ROBO2: variants seen among roughly 807,000 people sequenced by gnomAD.
ROBO2 encodes roundabout guidance receptor 2.
In ROBO2, 53 loss-of-function variants were observed where a neutral mutation model predicts 160.8. That is an observed-to-expected ratio of 0.33 (90% confidence interval 0.26 to 0.41). The LOEUF (loss-of-function observed/expected upper bound fraction) is 0.41. ROBO2 is among the 10% of genes least tolerant of loss of function. ROBO2 has a pLI of 1.00. For synonymous variants in ROBO2, 664 were observed against 611.7 expected, an observed-to-expected ratio of 1.09 and a Z score of -1.26; for missense variants, 1,577 against 1,722.4, an observed-to-expected ratio of 0.92 and a Z score of 1.49.
At chr3:76,724,978 T>G (rs2093526955) in intron 2 of ROBO2, among the ~76,000 whole-genome samples, 1 of 152,008 alleles carries the variant, frequency 6.6e-6, no homozygotes, top group African/African-American at 2.4e-5. Flanking sequence ...GAAGCTATAA[T>G]AAAAGTGGCA....
intron 2 of ROBO2, among the ~76,000 whole-genome samples, chr3:76,300,891 T>A (rs1206869087): frequency 1.3e-5 from 2 of 152,028 alleles, no homozygotes; most frequent in African/African-American, 4.8e-5. Context: ...ACAGGACAAA[T>A]GAACTATAGA....
At position 76,650,246 on chromosome 3, in the gene ROBO2, C is replaced by T. The variant is rs560630938; in HGVS notation, c.110-447768C>T. Among the ~76,000 whole-genome samples, 20 of 152,228 alleles carry T rather than the reference C, an allele frequency of 1.3e-4. 1 individual carries two copies. The highest frequency in any genetic ancestry group is 4.6e-4 in the African/African-American group (19 of 41,560). ...TCACTAAAAATAAGTGTTGGCTACA[C>T]GGTACACTAATACAATGACCGCCTG... On this transcript the variant is annotated intron_variant, in intron 2 of 26. Coordinates refer to the ROBO2 transcript ENST00000487694.
intron 2 of ROBO2, among the ~76,000 whole-genome samples, chr3:77,387,066 A>C (rs78866732): frequency 0.041 from 6,214 of 152,122 alleles, 444 homozygotes; most frequent in African/African-American, 0.14. Context: ...GGGATGTTAG[A>C]GTGAAATCTT....
At chr3:76,756,022 A>G (rs890482431) in intron 2 of ROBO2, among the ~76,000 whole-genome samples, 1 of 151,824 alleles carries the variant, frequency 6.6e-6, no homozygotes, top group Non-Finnish European at 1.5e-5. Context: ...TATGATATCA[A>G]TTTTTAATTA....
At chr3:76,545,877 A>T (rs991355004) in intron 2 of ROBO2, among the ~76,000 whole-genome samples, 1 of 151,906 alleles carries the variant, frequency 6.6e-6, no homozygotes, top group African/African-American at 2.4e-5. Context: ...AAATATTTTA[A>T]ATAAGGCAAT....
At chr3:76,988,826 C>T (rs1246208153) in intron 2 of ROBO2, among the ~76,000 whole-genome samples, 1 of 152,206 alleles carries the variant, frequency 6.6e-6, no homozygotes, top group African/African-American at 2.4e-5. Context: ...TATGTATTTT[C>T]AAAATCGAGT....
At chr3:76,060,349 G>T (rs2068030117) in intron 2 of ROBO2, among the ~76,000 whole-genome samples, 1 of 152,266 alleles carries the variant, frequency 6.6e-6, no homozygotes, top group Non-Finnish European at 1.5e-5. Flanking sequence ...AATCACATGT[G>T]GTGAAGGAGT....
At chr3:76,332,174 C>T (rs189004402) in intron 2 of ROBO2, among the ~76,000 whole-genome samples, 52 of 152,240 alleles carry the variant, frequency 3.4e-4, no homozygotes, top group African/African-American at 1.1e-3. Context: ...TGATTGGAGA[C>T]ATTTTGAGAC....
At chr3:76,045,069 T>A (rs1432009273) in intron 2 of ROBO2, among the ~76,000 whole-genome samples, 1 of 152,054 alleles carries the variant, frequency 6.6e-6, no homozygotes, top group African/African-American at 2.4e-5. Flanking sequence ...AATTTTGATT[T>A]CTTTTATTAC....
intron 2 of ROBO2, among the ~76,000 whole-genome samples, chr3:76,639,489 C>T (rs946281108): frequency 1.3e-5 from 2 of 149,288 alleles, no homozygotes; most frequent in Non-Finnish European, 3.0e-5. Flanking sequence ...CACACACACA[C>T]ATATCCCCAA....
At chr3:76,277,684 T>G (rs1301415259) in intron 2 of ROBO2, among the ~76,000 whole-genome samples, 2 of 151,964 alleles carry the variant, frequency 1.3e-5, no homozygotes, top group African/African-American at 2.4e-5. Context: ...AAATTAGCAG[T>G]GTTCTTGGTA....
intron 2 of ROBO2, among the ~76,000 whole-genome samples, chr3:77,367,302 CT>C (rs948254641): frequency 6.6e-6 from 1 of 152,018 alleles, no homozygotes; most frequent in African/African-American, 2.4e-5. Flanking sequence ...CCTAAGTATC[CT>C]TTTTCTAAGG....
At chr3:76,524,741 C>G (rs566379995) in intron 2 of ROBO2, among the ~76,000 whole-genome samples, 2 of 136,482 alleles carry the variant, frequency 1.5e-5, no homozygotes, top group African/African-American at 5.4e-5. Context: ...ATGTTGTTTC[C>G]CTCACTTTTC....
At chr3:76,173,959 A>C (rs2073133387) in intron 2 of ROBO2, among the ~76,000 whole-genome samples, 1 of 152,160 alleles carries the variant, frequency 6.6e-6, no homozygotes, top group African/African-American at 2.4e-5. Flanking sequence ...ACAATGGTTG[A>C]ACTAATTTAC....
intron 2 of ROBO2, among the ~76,000 whole-genome samples, chr3:76,461,477 C>T (rs766511608): frequency 6.6e-6 from 1 of 152,048 alleles, no homozygotes; most frequent in Non-Finnish European, 1.5e-5. Flanking sequence ...ATTACTGTAT[C>T]ACACAATGCT....
intron 2 of ROBO2, among the ~76,000 whole-genome samples, chr3:77,340,913 C>T (rs979827775): frequency 2.0e-5 from 3 of 152,046 alleles, no homozygotes; most frequent in East Asian, 3.9e-4. Flanking sequence ...TCTGTAGTAT[C>T]GTCACTTGTA....
At chr3:76,984,751 TA>T (rs1013018650) in intron 2 of ROBO2, among the ~76,000 whole-genome samples, 5 of 151,580 alleles carry the variant, frequency 3.3e-5, no homozygotes, top group Admixed American at 1.3e-4. Flanking sequence ...TTAGAAAAAT[TA>T]AAAAAAATGA....
intron 8 of ROBO2, among the ~76,000 whole-genome samples, chr3:77,554,178 A>G (rs2093027215): frequency 6.6e-6 from 1 of 151,986 alleles, no homozygotes; most frequent in Admixed American, 6.6e-5. Flanking sequence ...ATGGAAAAAC[A>G]AAGCCTGAAT....
At chr3:76,011,336 A>G (rs2107612545) in intron 2 of ROBO2, among the ~76,000 whole-genome samples, 1 of 152,322 alleles carries the variant, frequency 6.6e-6, no homozygotes, top group South Asian at 2.1e-4. Context: ...ACTGAGACCC[A>G]AAATAGCCAC....
Sources: gnomAD v4.1 joint callset for allele counts (sites outside exome capture counted in the v4.1 genomes callset) on GRCh38, gnomAD v4.1.1 for gene constraint, MANE v1.5 for transcripts, NCBI Gene and HGNC (gene_info 2026-07-23, HGNC 2026-07-21) for gene names.